CAMTA1: variants seen among roughly 807,000 people sequenced by gnomAD.
The protein encoded by CAMTA1 is calmodulin binding transcription activator 1.
A neutral mutation model predicts 170.9 loss-of-function variants in CAMTA1; 27 were observed. The observed-to-expected ratio is 0.16, with a 90% CI of 0.12 to 0.22. The LOEUF (loss-of-function observed/expected upper bound fraction) is 0.22. Among genes scored for constraint, CAMTA1 ranks in the 10% least tolerant of loss-of-function variants. The pLI is 1.00. For synonymous variants in CAMTA1, 833 were observed against 891.5 expected (o/e 0.93, Z 1.17); for missense variants, 1,619 against 2,217.2 (o/e 0.73, Z 5.42).
chr1:7,322,963 T>TC (rs1678672819), intron 5 of CAMTA1, among the ~76,000 whole-genome samples: 5 of 34,486 alleles, frequency 1.4e-4, no homozygotes, highest in Admixed American at 1.1e-3. Context: ...CCCCTCCCCT[T>TC]CCTCCGTTCC....
intron 4 of CAMTA1, among the ~76,000 whole-genome samples, chr1:7,167,403 G>T (rs1008533835): frequency 1.3e-5 from 2 of 152,238 alleles, no homozygotes; most frequent in South Asian, 4.1e-4. Context: ...CTGCCTGTGC[G>T]TAGATCTGTT....
At chr1:7,029,972 A>G (rs777172408) in intron 3 of CAMTA1, among the ~76,000 whole-genome samples, 1 of 152,254 alleles carries the variant, frequency 6.6e-6, no homozygotes, top group African/African-American at 2.4e-5. Context: ...TTGGATTCTC[A>G]TATCTGCTTC....
Position 7,016,647 on chromosome 1 carries a change from A to G in CAMTA1, c.235-74657A>G, listed in dbSNP as rs1332578080. Among the ~76,000 whole-genome samples, 2 of 152,214 alleles carry G rather than the reference A, an allele frequency of 1.3e-5. 1 individual carries two copies. The highest frequency in any genetic ancestry group is 4.1e-4 in the South Asian group (2 of 4,834). ...TCAGGGATTCAAGACCAGCCTGGCT[A>G]ACATGGGGAAACCCCATCTCTACCA... On this transcript the variant is annotated intron_variant, in intron 3 of 22. Coordinates refer to ENST00000303635, the MANE Select transcript of CAMTA1 (RefSeq NM_015215.4).
At chr1:7,094,406 G>A (rs972253490) in intron 4 of CAMTA1, among the ~76,000 whole-genome samples, 6 of 152,172 alleles carry the variant, frequency 3.9e-5, no homozygotes, top group Admixed American at 6.5e-5. Flanking sequence ...TGCTGCCGCC[G>A]CCACTGCTAA....
Position 7,755,198 on chromosome 1 carries a change from G to A in CAMTA1, c.4959-440G>A, listed in dbSNP as rs142720053. 7.0e-3 allele frequency among the ~76,000 whole-genome samples: 1,057 copies of A among 151,932 alleles called. 13 individuals carry two copies. The highest frequency in any genetic ancestry group is 0.023 in the African/African-American group (955 of 41,432). On this transcript the variant is annotated intron_variant, in intron 21 of 22. Coordinates refer to ENST00000303635, the MANE Select transcript of CAMTA1 (RefSeq NM_015215.4). The stretch of plus-strand genomic sequence containing the variant: ...AAAAATTAGCTGGGCGTGGTGGTAC[G>A]CACCTGTAATCCCAGCTACTTGGGA...
At chr1:7,250,417 C>A (rs1666449863) in intron 5 of CAMTA1, among the ~76,000 whole-genome samples, 1 of 152,204 alleles carries the variant, frequency 6.6e-6, no homozygotes, top group South Asian at 2.1e-4. Context: ...GAAGGAACTT[C>A]CCCTGGGAAC....
At chr1:7,212,583 C>CATTA (rs1658976101) in intron 4 of CAMTA1, among the ~76,000 whole-genome samples, 1 of 152,166 alleles carries the variant, frequency 6.6e-6, no homozygotes, top group African/African-American at 2.4e-5. Flanking sequence ...GTTGTAAGAA[C>CATTA]TAATACAGAG....
chr1:7,584,864 C>T (rs1190622848), intron 6 of CAMTA1, among the ~76,000 whole-genome samples: 1 of 152,178 alleles, frequency 6.6e-6, no homozygotes, highest in Non-Finnish European at 1.5e-5. Context: ...CTGTAAACAT[C>T]CTGCAATGCA....
At chr1:7,170,298 T>C (rs909426130) in intron 4 of CAMTA1, among the ~76,000 whole-genome samples, 1 of 152,130 alleles carries the variant, frequency 6.6e-6, no homozygotes, top group Non-Finnish European at 1.5e-5. Flanking sequence ...GGGTTTCTTT[T>C]TTTTTTTTTT....
chr1:7,128,607 A>C (rs1645066219), intron 4 of CAMTA1, among the ~76,000 whole-genome samples: 1 of 151,772 alleles, frequency 6.6e-6, no homozygotes. Flanking sequence ...AATTTGGGTT[A>C]CCTTATTTCT....
intron 5 of CAMTA1, among the ~76,000 whole-genome samples, chr1:7,297,109 C>G (rs1283578929): frequency 6.6e-6 from 1 of 152,196 alleles, no homozygotes; most frequent in Non-Finnish European, 1.5e-5. Context: ...TAATTTCTCC[C>G]TGCCCAAAAA....
chr1:6,944,091 T>C (rs1687182622), intron 3 of CAMTA1, among the ~76,000 whole-genome samples: 1 of 152,148 alleles, frequency 6.6e-6, no homozygotes, highest in Non-Finnish European at 1.5e-5. Context: ...GTCTGACTCC[T>C]TTTAGAGCCT....
chr1:7,378,574 G>A (rs993926034), intron 5 of CAMTA1, among the ~76,000 whole-genome samples: 1 of 152,134 alleles, frequency 6.6e-6, no homozygotes, highest in African/African-American at 2.4e-5. Flanking sequence ...GAAAGCGGGT[G>A]GGTGGTTGCC....
At chr1:7,242,686 T>G (rs905370438) in intron 4 of CAMTA1, among the ~76,000 whole-genome samples, 10 of 152,028 alleles carry the variant, frequency 6.6e-5, no homozygotes, top group Non-Finnish European at 1.5e-4. Context: ...CCCAGCACTT[T>G]GGGAGGGTGA....
At chr1:7,342,663 T>A (rs1470919956) in intron 5 of CAMTA1, among the ~76,000 whole-genome samples, 2 of 152,104 alleles carry the variant, frequency 1.3e-5, no homozygotes, top group African/African-American at 4.8e-5. Context: ...AATTTGACCC[T>A]AATATTGGAA....
At chr1:6,883,614 G>A (rs751703249) in intron 3 of CAMTA1, among the ~76,000 whole-genome samples, 16 of 152,192 alleles carry the variant, frequency 1.1e-4, no homozygotes, top group Non-Finnish European at 2.1e-4. Context: ...GAGGCATGAA[G>A]GAGCTGAGGG....
intron 5 of CAMTA1, among the ~76,000 whole-genome samples, chr1:7,416,760 C>T (rs777835833): frequency 1.3e-5 from 2 of 152,232 alleles, no homozygotes; most frequent in African/African-American, 2.4e-5. Flanking sequence ...TCTCTCAACT[C>T]GTCAAAGTCA....
chr1:7,738,149 C>T lies in CAMTA1; in HGVS notation c.3849C>T (p.Val1283=). The change falls in exon 16 of 23, where the codon GTC becomes GTT. Residue 1283 remains valine (V), a synonymous_variant. Coordinates refer to ENST00000303635, the MANE Select transcript of CAMTA1 (RefSeq NM_015215.4). This position sits in a 1 kb window ranked among gnomAD's most constrained non-coding sequence, Gnocchi z 4.9. The part of the protein sequence containing the change: ...RKQSPSSKQS[V]PETLSPSEGV... ...AAAGCCCTAGTTCTAAGCAGTCTGTCCCCGAGACACTCAGCCCCAGTGAAG... is the reference window on the plus strand; with the variant it reads ...AAAGCCCTAGTTCTAAGCAGTCTGTTCCCGAGACACTCAGCCCCAGTGAAG... 6.2e-7 allele frequency: 1 copy of T among 1,614,090 alleles called. No homozygotes were observed. Among genetic ancestry groups the T allele is most frequent in the Non-Finnish European group, 8.5e-7 (1 of 1,179,978 alleles).
chr1:7,000,057 T>C (rs1319895028), intron 3 of CAMTA1, among the ~76,000 whole-genome samples: 1 of 152,244 alleles, frequency 6.6e-6, no homozygotes, highest in Non-Finnish European at 1.5e-5. Flanking sequence ...CTGCGTTGTC[T>C]GGGCCCTGGT....
Sources: gnomAD v4.1 joint callset for allele counts (sites outside exome capture counted in the v4.1 genomes callset) on GRCh38, gnomAD v4.1.1 for gene constraint, Gnocchi (gnomAD v3.1) non-coding constraint, MANE v1.5 for transcripts, NCBI Gene and HGNC (gene_info 2026-07-23, HGNC 2026-07-21) for gene names.